ARHGAP15: variants seen among roughly 807,000 people sequenced by gnomAD.
ARHGAP15 encodes rho GTPase-activating protein 15.
A neutral mutation model predicts 63.7 loss-of-function variants in ARHGAP15; 51 were observed. The observed-to-expected ratio is 0.80, with a 90% confidence interval of 0.64 to 1.01. The LOEUF is 1.01. Ranked by LOEUF, ARHGAP15 falls within the 50% of genes least tolerant of loss-of-function variation. ARHGAP15 has a pLI of 0.00. For missense variants in ARHGAP15, 560 were observed against 564.6 expected, an observed-to-expected ratio of 0.99 and a Z score of 0.08; for synonymous variants, 191 against 193.8, an observed-to-expected ratio of 0.99 and a Z score of 0.12.
chr2:143,487,609 A>C, intron 9 of ARHGAP15, 114 bp downstream of exon 9: 1 of 1,258,012 alleles, frequency 7.9e-7, no homozygotes, highest in East Asian at 2.6e-5. Context: ...TAGGTTGCTT[A>C]TTAAATTTTC....
chr2:143,441,429 T>G (rs1689876822), intron 8 of ARHGAP15, among the ~76,000 whole-genome samples: 1 of 152,118 alleles, frequency 6.6e-6, no homozygotes, highest in Non-Finnish European at 1.5e-5. Context: ...ATTCAGAAAT[T>G]CAAGTTGATG....
chr2:143,201,225 G>T (rs1017562056), intron 2 of ARHGAP15, among the ~76,000 whole-genome samples: 2 of 151,216 alleles, frequency 1.3e-5, no homozygotes, highest in Non-Finnish European at 2.9e-5. Flanking sequence ...TCTCCCACTT[G>T]AGCCTCTGGG....
chr2:143,675,078 G>GTGTA (rs1349449426), intron 12 of ARHGAP15, among the ~76,000 whole-genome samples: 3 of 152,198 alleles, frequency 2.0e-5, no homozygotes, highest in Non-Finnish European at 4.4e-5. Context: ...TATCAACCAA[G>GTGTA]TGTATGTAAT....
chr2:143,161,158 C>T (rs1410744304), intron 2 of ARHGAP15, among the ~76,000 whole-genome samples: 1 of 151,912 alleles, frequency 6.6e-6, no homozygotes, highest in Non-Finnish European at 1.5e-5. Flanking sequence ...TGATAGTTGT[C>T]GGCACAAAGC....
intron 6 of ARHGAP15, among the ~76,000 whole-genome samples, chr2:143,269,391 C>A (rs1432952360): frequency 6.6e-6 from 1 of 152,158 alleles, no homozygotes; most frequent in Admixed American, 6.5e-5. Context: ...ACTTGCTCTT[C>A]AGTTCCTAAA....
chr2:143,179,951 T>C (rs1181711993), intron 2 of ARHGAP15, among the ~76,000 whole-genome samples: 2 of 151,740 alleles, frequency 1.3e-5, no homozygotes, highest in Non-Finnish European at 2.9e-5. Flanking sequence ...ATGCTAACAA[T>C]CATCTGAGCC....
chr2:143,132,579 A>C (rs1688954856), intron 1 of ARHGAP15, among the ~76,000 whole-genome samples: 1 of 152,234 alleles, frequency 6.6e-6, no homozygotes, highest in African/African-American at 2.4e-5. Context: ...CTGAACAATT[A>C]CTGAACTTGG....
intron 6 of ARHGAP15, among the ~76,000 whole-genome samples, chr2:143,295,019 A>G (rs1174575564): frequency 6.6e-6 from 1 of 152,078 alleles, no homozygotes; most frequent in Non-Finnish European, 1.5e-5. Context: ...GGGTGATGCT[A>G]AAGGAAATTA....
intron 6 of ARHGAP15, among the ~76,000 whole-genome samples, chr2:143,338,060 A>G (rs1401728161): frequency 6.6e-6 from 1 of 152,184 alleles, no homozygotes; most frequent in African/African-American, 2.4e-5. Context: ...TATGGTGAGC[A>G]TTAATCTAAC....
At chr2:143,292,980 T>A (rs1682474466) in intron 6 of ARHGAP15, among the ~76,000 whole-genome samples, 1 of 152,072 alleles carries the variant, frequency 6.6e-6, no homozygotes, top group African/African-American at 2.4e-5. Flanking sequence ...TTCTTCGAAC[T>A]TTTCCTTTAG....
chr2:143,212,284 C>T (rs1389722648), intron 3 of ARHGAP15, among the ~76,000 whole-genome samples: 1 of 152,202 alleles, frequency 6.6e-6, no homozygotes, highest in Non-Finnish European at 1.5e-5. Flanking sequence ...ATCTGGGTAT[C>T]CCACTGCCAT....
chr2:143,662,247 G>A (rs531712111), intron 12 of ARHGAP15, among the ~76,000 whole-genome samples: 9 of 151,788 alleles, frequency 5.9e-5, no homozygotes, highest in South Asian at 2.1e-4. Context: ...TCCTCAAGTG[G>A]GTCCCTGACC....
chr2:143,166,240 T>C (rs1362189737), intron 2 of ARHGAP15, among the ~76,000 whole-genome samples: 1 of 152,056 alleles, frequency 6.6e-6, no homozygotes, highest in Non-Finnish European at 1.5e-5. Context: ...TAATAGTTTA[T>C]AGATCCTAGG....
At chr2:143,733,911 TAAG>T (rs894960732) in intron 13 of ARHGAP15, among the ~76,000 whole-genome samples, 3 of 152,222 alleles carry the variant, frequency 2.0e-5, no homozygotes, top group East Asian at 1.9e-4. Flanking sequence ...AAAAATTATT[TAAG>T]AAATTTCTTA....
chr2:143,473,082 C>T (rs1279620752), intron 8 of ARHGAP15, among the ~76,000 whole-genome samples: 1 of 152,180 alleles, frequency 6.6e-6, no homozygotes, highest in South Asian at 2.1e-4. Context: ...CCACCTTCAG[C>T]CTCACCTCCA....
At chr2:143,541,681 G>A (rs1331598604) in intron 10 of ARHGAP15, among the ~76,000 whole-genome samples, 2 of 152,190 alleles carry the variant, frequency 1.3e-5, no homozygotes, top group Admixed American at 6.5e-5. Flanking sequence ...AGTGGTGGCT[G>A]CAGAACAGCG....
chr2:143,170,998 G>C (rs913792052), intron 2 of ARHGAP15, among the ~76,000 whole-genome samples: 1 of 152,024 alleles, frequency 6.6e-6, no homozygotes, highest in Admixed American at 6.6e-5. Context: ...TAGGTGGCTA[G>C]TAACATCTAA....
intron 6 of ARHGAP15, among the ~76,000 whole-genome samples, chr2:143,379,869 T>A (rs891591446): frequency 1.3e-5 from 2 of 152,002 alleles, no homozygotes; most frequent in Non-Finnish European, 2.9e-5. Flanking sequence ...TTACTCAACA[T>A]CCATTAAACA....
intron 11 of ARHGAP15, among the ~76,000 whole-genome samples, chr2:143,582,595 G>C: frequency 6.6e-6 from 1 of 152,174 alleles, no homozygotes; most frequent in East Asian, 1.9e-4. Context: ...CAACCGATGA[G>C]TGAGCCAAAG....
Sources: allele counts gnomAD v4.1 joint callset (sites outside exome capture counted in the v4.1 genomes callset), GRCh38; gene constraint gnomAD v4.1.1; transcripts MANE v1.5; gene names NCBI Gene and HGNC (gene_info 2026-07-23, HGNC 2026-07-21).